The following COL11A1 variants were observed in gnomAD, a reference collection of about 807,000 sequenced individuals.
COL11A1 encodes collagen alpha-1(XI) chain.
Under a neutral mutation model 265.2 loss-of-function variants are expected in COL11A1, and 74 were observed. The ratio of observed to expected loss-of-function variants is 0.28; its 90% CI spans 0.23 to 0.34. The LOEUF is 0.34. Among genes scored for constraint, COL11A1 ranks in the 10% least tolerant of loss-of-function variants. The probability of loss-of-function intolerance (pLI) is 1.00; values close to 1 mark genes in which losing one functional copy is unlikely to be tolerated. For synonymous variants in COL11A1, 816 were observed against 727.6 expected (o/e 1.12, Z -1.96); for missense variants, 2,165 against 2,263.6 (o/e 0.96, Z 0.88).
chr1:102,914,157 T>A (rs1008705176), intron 52 of COL11A1, among the ~76,000 whole-genome samples, 195 bp downstream of exon 52: 15 of 152,366 alleles, frequency 9.8e-5, no homozygotes, highest in African/African-American at 3.4e-4. Context: ...CATGAAGAGC[T>A]TAATCACTTA....
In COL11A1 at chr1:102,989,566, T is replaced by A. The variant is rs780097762; in HGVS notation, c.2346A>T (p.Glu782Asp). 6.8e-6 allele frequency: 11 copies of A among 1,609,668 alleles called. No individual in the cohort carries two copies. Among genetic ancestry groups the A allele is most frequent in the Middle Eastern group, 1.7e-4 (1 of 6,032 alleles). Residue 782 changes from glutamate to aspartate, a missense_variant, in exon 29 of 67, where the codon GAA becomes GAT. Coordinates refer to ENST00000370096, the MANE Select transcript of COL11A1 (RefSeq NM_001854.4). The part of the protein sequence containing the change: ...GLKGSKGEKG[E>D]DGFPGFKGDM... ...CACCTTTGAATCCTGGAAAACCATC[T>A]TCACCCTAAAACATTATAAAAGGAA...
At chr1:103,091,238 C>A (rs918066048) in intron 1 of COL11A1, among the ~76,000 whole-genome samples, 2 of 151,984 alleles carry the variant, frequency 1.3e-5, no homozygotes, top group Non-Finnish European at 2.9e-5. Flanking sequence ...TGACACTGTT[C>A]TTTCATTTAT....
intron 41 of COL11A1, among the ~76,000 whole-genome samples, chr1:102,947,640 A>G (rs772095096): frequency 6.6e-6 from 1 of 152,120 alleles, no homozygotes; most frequent in Middle Eastern, 3.4e-3. Context: ...AAAAGATGTA[A>G]TGCTTTTAAC....
intron 35 of COL11A1, among the ~76,000 whole-genome samples, chr1:102,977,855 C>T (rs1034864479): frequency 1.3e-5 from 2 of 152,046 alleles, no homozygotes; most frequent in African/African-American, 4.8e-5. Flanking sequence ...TGTGTGTTAT[C>T]TACTCCCATT....
intron 54 of COL11A1, among the ~76,000 whole-genome samples, chr1:102,902,804 T>C (rs1353089334): frequency 2.0e-5 from 3 of 151,142 alleles, no homozygotes; most frequent in Non-Finnish European, 4.4e-5. Flanking sequence ...ATACTATATA[T>C]AATAATACTT....
intron 46 of COL11A1, among the ~76,000 whole-genome samples, chr1:102,930,386 G>C (rs1245941993): frequency 2.6e-5 from 4 of 151,556 alleles, no homozygotes; most frequent in Non-Finnish European, 5.9e-5. Flanking sequence ...TTATATGCTG[G>C]ATTACATTTA....
At chr1:103,078,636 A>T in intron 3 of COL11A1, 22 bp downstream of exon 3, 1 of 1,600,840 alleles carries the variant, frequency 6.2e-7, no homozygotes, top group Non-Finnish European at 8.6e-7. Flanking sequence ...TAGCTAAAAC[A>T]TTGTATTATT....
intron 36 of COL11A1, 23 bp downstream of exon 36, chr1:102,974,803 AAGAG>A (rs1662308294): frequency 1.3e-6 from 2 of 1,580,926 alleles, no homozygotes; most frequent in Non-Finnish European, 1.7e-6. Flanking sequence ...CAAATGAAGA[AAGAG>A]AAAGAGAAGC....
intron 66 of COL11A1, among the ~76,000 whole-genome samples, chr1:102,879,282 TA>T (rs1177676225): frequency 6.6e-6 from 1 of 152,154 alleles, no homozygotes; most frequent in African/African-American, 2.4e-5. Context: ...AATATAGGGC[TA>T]AAAATTATTG....
At chr1:102,922,301 A>G (rs1042037643) in intron 47 of COL11A1, among the ~76,000 whole-genome samples, 2 of 152,246 alleles carry the variant, frequency 1.3e-5, no homozygotes, top group African/African-American at 4.8e-5. Flanking sequence ...CAGGAAGAAT[A>G]TATCAATGAT....
chr1:102,879,488 T>C (rs1193568220), intron 66 of COL11A1, among the ~76,000 whole-genome samples, 195 bp downstream of exon 66: 1 of 152,210 alleles, frequency 6.6e-6, no homozygotes, highest in Non-Finnish European at 1.5e-5. Flanking sequence ...TTTCAGAGTG[T>C]CTATGTGCAT....
intron 54 of COL11A1, among the ~76,000 whole-genome samples, chr1:102,910,371 AT>A (rs1206877477): frequency 6.6e-6 from 1 of 152,080 alleles, no homozygotes; most frequent in African/African-American, 2.4e-5. Flanking sequence ...ATTAAAAAAT[AT>A]AAATATGTAC....
intron 16 of COL11A1, 68 bp from the exon 17 acceptor site, chr1:103,006,189 A>ATAAATAAATAAATAAG: frequency 7.9e-7 from 1 of 1,270,530 alleles, no homozygotes. Context: ...AAATAAATAA[A>ATAAATAAATAAATAAG]TAAATAAATA....
At chr1:102,926,076 A>T (rs986010193) in intron 46 of COL11A1, among the ~76,000 whole-genome samples, 2 of 152,144 alleles carry the variant, frequency 1.3e-5, no homozygotes, top group South Asian at 2.1e-4. Context: ...ATAGAAAAAA[A>T]TTTATTTATT....
intron 28 of COL11A1, among the ~76,000 whole-genome samples, chr1:102,991,594 A>T (rs934723105): frequency 6.6e-6 from 1 of 152,104 alleles, no homozygotes; most frequent in Non-Finnish European, 1.5e-5. Context: ...CTTCTGCTAA[A>T]TGGCCGAACA....
rs948784318 is a variant in COL11A1 at position 102,959,434 on chromosome 1, C to A, written c.3168+2432G>T. ...CTTCAACGATTTTGTAATCTGCACT[C>A]TGTGAAGCCAAGTTCGAGGGTCACC... On this transcript the variant is annotated intron_variant, in intron 41 of 66. Transcript: ENST00000370096. 2.0e-5 allele frequency among the ~76,000 whole-genome samples: 3 copies of A among 148,642 alleles called. No individual in the cohort carries two copies. In the Admixed American group the frequency reaches 2.0e-4, roughly 10 times the overall value.
chr1:102,882,934 CTG>C (rs1385784125), intron 64 of COL11A1, among the ~76,000 whole-genome samples: 2 of 152,070 alleles, frequency 1.3e-5, no homozygotes, highest in African/African-American at 4.8e-5. Flanking sequence ...TTCAGCTGTG[CTG>C]TGTCATGGAA....
At position 103,068,467 on chromosome 1, in the gene COL11A1, A is replaced by G. The variant is rs113012043; in HGVS notation, c.651+6151T>C. On this transcript the variant is annotated intron_variant, in intron 4 of 66. Transcript: ENST00000370096. ...ATTTCAAACTGATAAACAGAATCCAATGAAAACTTTCAGCCAACATCATAC... is the reference window on the plus strand; with the variant it reads ...ATTTCAAACTGATAAACAGAATCCAGTGAAAACTTTCAGCCAACATCATAC... Among the ~76,000 whole-genome samples the G allele has an allele frequency of 1.5e-4, 23 of 151,762 alleles. No individual in the cohort carries two copies. The East Asian group carries it at 4.0e-3, about 27-fold the overall frequency.
intron 3 of COL11A1, among the ~76,000 whole-genome samples, chr1:103,076,077 G>C (rs1671950374): frequency 6.6e-6 from 1 of 152,022 alleles, no homozygotes; most frequent in Non-Finnish European, 1.5e-5. Flanking sequence ...CTCTAAACTT[G>C]ATATTTTTGT....
Sources: gnomAD v4.1 joint callset for allele counts (sites outside exome capture counted in the v4.1 genomes callset) on GRCh38, gnomAD v4.1.1 for gene constraint, MANE v1.5 for transcripts, NCBI Gene and HGNC (gene_info 2026-07-23, HGNC 2026-07-21) for gene names.